Variants in IGSF21 observed in about 807,000 individuals in gnomAD.
IGSF21 encodes immunoglobulin superfamily member 21.
In IGSF21, 28 loss-of-function variants were observed where a neutral mutation model predicts 46.8. That is an observed-to-expected ratio of 0.60 (90% CI 0.44 to 0.82). The LOEUF (loss-of-function observed/expected upper bound fraction) is 0.82. Among genes scored for constraint, IGSF21 ranks in the 40% least tolerant of loss-of-function variants. The pLI is 0.00. For synonymous variants in IGSF21, 284 were observed against 273.6 expected, an observed-to-expected ratio of 1.04 and a Z score of -0.38; for missense variants, 624 against 665.5, an observed-to-expected ratio of 0.94 and a Z score of 0.69.
At chr1:18,350,666 TA>T (rs1193814227) in intron 4 of IGSF21, among the ~76,000 whole-genome samples, 1 of 150,806 alleles carries the variant, frequency 6.6e-6, no homozygotes, top group Non-Finnish European at 1.5e-5. Context: ...CAAAAAAAAA[TA>T]CCCCTCCCAC....
At chr1:18,275,131 T>G (rs888933806) in intron 2 of IGSF21, among the ~76,000 whole-genome samples, 9 of 152,170 alleles carry the variant, frequency 5.9e-5, no homozygotes, top group African/African-American at 1.9e-4. Flanking sequence ...AATTTCAAAT[T>G]TCAGAAGCAG....
At chr1:18,132,866 C>T (rs1332355817) in intron 1 of IGSF21, among the ~76,000 whole-genome samples, 4 of 114,350 alleles carry the variant, frequency 3.5e-5, no homozygotes, top group Admixed American at 1.0e-4. Flanking sequence ...TTGTACTGGG[C>T]GGGGTCTGGC....
At chr1:18,199,357 C>A (rs1299451432) in intron 1 of IGSF21, among the ~76,000 whole-genome samples, 1 of 152,136 alleles carries the variant, frequency 6.6e-6, no homozygotes, top group Admixed American at 6.5e-5. Context: ...GGTGGAGATT[C>A]AGTAAGACAA....
chr1:18,245,281 A>T (rs1274535598), intron 2 of IGSF21, among the ~76,000 whole-genome samples: 1 of 152,182 alleles, frequency 6.6e-6, no homozygotes, highest in Non-Finnish European at 1.5e-5. Context: ...AATGCTCCTT[A>T]AAAATCTATT....
chr1:18,275,966 T>C (rs1239853014), intron 2 of IGSF21, among the ~76,000 whole-genome samples: 2 of 152,166 alleles, frequency 1.3e-5, no homozygotes, highest in African/African-American at 4.8e-5. Context: ...TCATGCCTTA[T>C]TGGAATTTCT....
intron 4 of IGSF21, among the ~76,000 whole-genome samples, chr1:18,357,959 A>T (rs2086039147): frequency 6.6e-6 from 1 of 152,178 alleles, no homozygotes; most frequent in Admixed American, 6.5e-5. Flanking sequence ...TATTGCTAAT[A>T]TAACGAGGGA....
chr1:18,208,633 G>A lies in IGSF21; in HGVS notation c.71-19265G>A, dbSNP rs370725185. ...AGGATGGTCTTGATCTCCTGACCTC[G>A]TTATCCGCCCGCCTCGGCCTCCCAA... On this transcript the variant is annotated intron_variant, in intron 1 of 9. Coordinates refer to ENST00000251296, the MANE Select transcript of IGSF21 (RefSeq NM_032880.5). Among the ~76,000 whole-genome samples the A allele has an allele frequency of 3.0e-3, 418 of 141,130 alleles. 19 individuals are homozygous for A. In the South Asian group the frequency reaches 0.081, roughly 27 times the overall value. 92.6% of individuals were successfully genotyped at this position (141,130 alleles called of 152,430 possible). A position where few individuals can be genotyped will look rare whatever the true frequency, so the allele number is the denominator to read the frequency against.
At chr1:18,306,703 G>T (rs962009192) in intron 3 of IGSF21, among the ~76,000 whole-genome samples, 1 of 152,210 alleles carries the variant, frequency 6.6e-6, no homozygotes, top group Admixed American at 6.5e-5. Flanking sequence ...GAGCAGAGAG[G>T]CCTGGGTTCT....
chr1:18,275,436 C>T (rs554102046), intron 2 of IGSF21, among the ~76,000 whole-genome samples: 3 of 152,300 alleles, frequency 2.0e-5, no homozygotes, highest in South Asian at 2.1e-4. Context: ...TGATGAGAAG[C>T]AGAGGTGGGC....
At chr1:18,274,291 C>T (rs2085079478) in intron 2 of IGSF21, among the ~76,000 whole-genome samples, 1 of 152,216 alleles carries the variant, frequency 6.6e-6, no homozygotes, top group Non-Finnish European at 1.5e-5. Flanking sequence ...CAAAGCTAGC[C>T]TCTTAGCCTG....
chr1:18,215,755 G>A lies in IGSF21; in HGVS notation c.71-12143G>A, dbSNP rs570798499. On this transcript the variant is annotated intron_variant, in intron 1 of 9. Coordinates refer to ENST00000251296, the MANE Select transcript of IGSF21 (RefSeq NM_032880.5). ...GACCCATGAGTGGTTTTGTATAGGG[G>A]TCAGGGGTTTGGACTTCATCCCAAA... Among the ~76,000 whole-genome samples the A allele has an allele frequency of 1.2e-4, 19 of 152,276 alleles. 1 individual carries two copies. In the South Asian group the frequency reaches 3.7e-3, roughly 30 times the overall value.
intron 1 of IGSF21, among the ~76,000 whole-genome samples, chr1:18,149,147 AC>A (rs1474376883): frequency 6.6e-6 from 1 of 152,122 alleles, no homozygotes; most frequent in East Asian, 1.9e-4. Context: ...CGTGTCACTG[AC>A]ATGTGTGCCT....
chr1:18,132,574 A>G (rs149153436), intron 1 of IGSF21, among the ~76,000 whole-genome samples: 2 of 152,268 alleles, frequency 1.3e-5, no homozygotes, highest in African/African-American at 4.8e-5. Flanking sequence ...GACCGCAGAG[A>G]TTTACCCCAT....
At chr1:18,137,321 C>T (rs1243732314) in intron 1 of IGSF21, among the ~76,000 whole-genome samples, 1 of 152,202 alleles carries the variant, frequency 6.6e-6, no homozygotes, top group Non-Finnish European at 1.5e-5. Flanking sequence ...GATCCAATCA[C>T]CTTCCACCAG....
rs571163879 is a variant in IGSF21, at chr1:18,253,254, A to AG, written c.183+25251dup. On this transcript the variant is annotated intron_variant, in intron 2 of 9. Coordinates refer to ENST00000251296, the MANE Select transcript of IGSF21 (RefSeq NM_032880.5). ...TCCTTGGCACCTTGCCCAGAGGGCC[A>AG]GGGGGGGCCTCAGCAAACCCAAACT... is the stretch of plus-strand genomic sequence containing the variant. Among the ~76,000 whole-genome samples, 80 of 152,246 alleles carry AG rather than the reference A, an allele frequency of 5.3e-4. No individual in the cohort carries two copies. In the East Asian group the frequency reaches 0.014, roughly 27 times the overall value.
At chr1:18,233,273 A>T (rs2084644922) in intron 2 of IGSF21, among the ~76,000 whole-genome samples, 1 of 152,176 alleles carries the variant, frequency 6.6e-6, no homozygotes. Context: ...ATGTGGGAAG[A>T]TGCATACCTG....
chr1:18,176,854 T>G (rs924168987), intron 1 of IGSF21, among the ~76,000 whole-genome samples: 37 of 152,344 alleles, frequency 2.4e-4, no homozygotes, highest in African/African-American at 8.9e-4. Context: ...CCCTGGGGCT[T>G]TAAGGACAAC....
chr1:18,376,861 G>T lies in IGSF21; in HGVS notation c.1163G>T (p.Gly388Val). ...WTRVGSRLLD[G>V]SAEFDGKELV... ...CGGGTTGGGAGCCGCCTCCTGGACGGCAGCGCTGAGTTCGACGGGAAGGAG... is the reference window on the plus strand; with the variant it reads ...CGGGTTGGGAGCCGCCTCCTGGACGTCAGCGCTGAGTTCGACGGGAAGGAG... The change falls in exon 8 of 10, where the codon GGC becomes GTC. Residue 388 changes from glycine (G) to valine (V), a missense_variant. By Grantham distance (109) the Gly-to-Val change is moderately radical. Transcript: ENST00000251296. The T allele has an allele frequency of 6.2e-7, 1 of 1,612,156 alleles. No homozygotes were observed. The highest frequency in any genetic ancestry group is 8.5e-7 in the Non-Finnish European group (1 of 1,178,410).
chr1:18,174,043 C>T (rs927482686), intron 1 of IGSF21, among the ~76,000 whole-genome samples: 14 of 152,210 alleles, frequency 9.2e-5, no homozygotes, highest in African/African-American at 3.1e-4. Context: ...CATGAGCCAC[C>T]GCGCCTGGCC....
Sources: allele counts gnomAD v4.1 joint callset (sites outside exome capture counted in the v4.1 genomes callset), GRCh38; gene constraint gnomAD v4.1.1; transcripts MANE v1.5; gene names NCBI Gene and HGNC (gene_info 2026-07-23, HGNC 2026-07-21).